PRAG1: variants seen among roughly 807,000 people sequenced by gnomAD.
The protein encoded by PRAG1 is inactive tyrosine-protein kinase PRAG1.
PRAG1 carries 110 observed loss-of-function variants against 95.6 expected under a neutral mutation model. That is an observed-to-expected ratio of 1.15 (90% CI 0.99 to 1.35). The LOEUF is 1.35. Ranked by LOEUF, PRAG1 falls within the 40% of genes most tolerant of loss-of-function variation. The pLI, the probability that PRAG1 is intolerant of heterozygous loss-of-function variation, is 0.00. For missense variants in PRAG1, 2,554 were observed against 1,864.7 expected (o/e 1.37, Z -6.81); for synonymous variants, 1,052 against 819.4 (o/e 1.28, Z -4.85).
Position 8,377,228 on chromosome 8 carries a change from G to A in PRAG1, c.1181C>T (p.Thr394Met), listed in dbSNP as rs748192326. ...GVTPSRCLGL[T>M]GEPQPPAHPR... ...GTGGGCCGGGGGCTGGGGCTCCCCC[G>A]TCAGCCCAAGGCATCTGCTAGGGGT... The change falls in exon 3 of 6, where the codon ACG becomes ATG. Residue 394 changes from threonine to methionine, a missense_variant. Coordinates refer to ENST00000615670, the MANE Select transcript of PRAG1 (RefSeq NM_001080826.3). 39 of 1,612,304 alleles carry A rather than the reference G, an allele frequency of 2.4e-5. No individual in the cohort carries two copies. Among genetic ancestry groups the A allele is most frequent in the Admixed American group, 1.3e-4 (8 of 59,962 alleles).
chr8:8,369,954 T>C (rs1383888600), intron 3 of PRAG1, among the ~76,000 whole-genome samples: 1 of 152,188 alleles, frequency 6.6e-6, no homozygotes, highest in Non-Finnish European at 1.5e-5. Flanking sequence ...AGCAACTCAA[T>C]TCTCAGGATC....
intron 4 of PRAG1, among the ~76,000 whole-genome samples, chr8:8,335,624 G>C: frequency 6.6e-6 from 1 of 152,148 alleles, no homozygotes; most frequent in Non-Finnish European, 1.5e-5. Flanking sequence ...TTTAAATGAA[G>C]TTGAAGCTTC....
At chr8:8,374,089 C>A (rs73523462) in intron 3 of PRAG1, among the ~76,000 whole-genome samples, 3,250 of 152,330 alleles carry the variant, frequency 0.021, 119 homozygotes, top group African/African-American at 0.073. Flanking sequence ...TGGGTGGCTT[C>A]TGCCTACATC....
At chr8:8,371,867 A>C (rs1800220620) in intron 3 of PRAG1, among the ~76,000 whole-genome samples, 1 of 152,144 alleles carries the variant, frequency 6.6e-6, no homozygotes, top group South Asian at 2.1e-4. Flanking sequence ...TCTGTCTCAA[A>C]ACGAAACACA....
At chr8:8,342,703 C>T (rs1799212652) in intron 3 of PRAG1, among the ~76,000 whole-genome samples, 1 of 151,988 alleles carries the variant, frequency 6.6e-6, no homozygotes, top group Non-Finnish European at 1.5e-5. Context: ...CTTACACCAG[C>T]TATTTATGAT....
chr8:8,386,032 G>A lies in PRAG1; in HGVS notation c.-88+289C>T, dbSNP rs551406588. Among the ~76,000 whole-genome samples, 7 of 152,336 alleles carry A rather than the reference G, an allele frequency of 4.6e-5. No individual in the cohort carries two copies. In the East Asian group the frequency reaches 1.2e-3, roughly 25 times the overall value. ...ACCAGAGAAACCATCCTAACAGTCG[G>A]TCCTCCCTCCTGGAACTCGTAGGAA... On this transcript the variant is annotated intron_variant, in intron 1 of 5. Transcript: ENST00000615670.
intron 3 of PRAG1, among the ~76,000 whole-genome samples, chr8:8,375,779 C>A (rs1219999864): frequency 6.6e-6 from 1 of 152,176 alleles, no homozygotes; most frequent in Non-Finnish European, 1.5e-5. Flanking sequence ...CCTGCTTCGG[C>A]CTCCCAAAGT....
Position 8,367,947 on chromosome 8 carries a change from A to G in PRAG1, c.2162+8300T>C, listed in dbSNP as rs543803699. On this transcript the variant is annotated intron_variant, in intron 3 of 5. Transcript: ENST00000615670. ...TGAGCCATCACGCCTGGCCGTATAT[A>G]GTGTTTTTTAATTTCATTAATTTTG... is the stretch of plus-strand genomic sequence containing the variant. Among the ~76,000 whole-genome samples the G allele has an allele frequency of 7.2e-5, 11 of 152,254 alleles. No individual in the cohort carries two copies. The East Asian group carries it at 2.1e-3, about 29-fold the overall frequency.
rs1158175099 is a variant in PRAG1, at chr8:8,318,643, C to T, written c.3732G>A (p.Val1244=). 1.2e-6 allele frequency: 2 copies of T among 1,612,448 alleles called. No homozygotes were observed. The highest frequency in any genetic ancestry group is 2.7e-5 in the African/African-American group (2 of 74,786). The change falls in exon 6 of 6, where the codon GTG becomes GTA. Residue 1244 remains valine, a synonymous_variant. Coordinates refer to ENST00000615670, the MANE Select transcript of PRAG1 (RefSeq NM_001080826.3). This position sits in a 1 kb window ranked among gnomAD's most constrained non-coding sequence, Gnocchi z 4.2. ...KSQARLAPEI[V]SASQYRKFDE... Reference sequence around the variant, plus strand: ...CGAACTTGCGGTACTGGGAAGCAGACACGATCTCGGGGGCCAGCCGGGCCT... The same window carrying T: ...CGAACTTGCGGTACTGGGAAGCAGATACGATCTCGGGGGCCAGCCGGGCCT...
intron 3 of PRAG1, among the ~76,000 whole-genome samples, chr8:8,375,592 T>C (rs908494290): frequency 1.3e-5 from 2 of 152,206 alleles, no homozygotes; most frequent in South Asian, 2.1e-4. Context: ...CTAATCACCA[T>C]TGTGGTAACA....
intron 3 of PRAG1, 58 bp downstream of exon 3, chr8:8,376,189 T>C: frequency 6.4e-7 from 1 of 1,563,572 alleles, no homozygotes. Flanking sequence ...GGCAAAGGTT[T>C]CTTCTGGAAG....
chr8:8,355,228 G>A (rs1488697203), intron 3 of PRAG1, among the ~76,000 whole-genome samples: 1 of 152,066 alleles, frequency 6.6e-6, no homozygotes, highest in African/African-American at 2.4e-5. Flanking sequence ...TATGTATACT[G>A]AAAACTATAA....
rs182029142 is a variant in PRAG1, at chr8:8,349,311, C to T, written c.2163-9676G>A. ...TTATTTATTTTTTGAGACAGAGTCT[C>T]GCTCTGTCACCCAGGCTGGAGTGCA... On this transcript the variant is annotated intron_variant, in intron 3 of 5. Transcript: ENST00000615670. Among the ~76,000 whole-genome samples, 969 of 149,232 alleles carry T rather than the reference C, an allele frequency of 6.5e-3. 5 individuals are homozygous for T. The highest frequency in any genetic ancestry group is 1.0e-2 in the Non-Finnish European group (679 of 67,958).
chr8:8,365,800 A>ATATATG (rs148346612), intron 3 of PRAG1, among the ~76,000 whole-genome samples: 1 of 150,626 alleles, frequency 6.6e-6, no homozygotes, highest in Non-Finnish European at 1.5e-5. Context: ...CTATATATAT[A>ATATATG]TATATACACA....
At chr8:8,337,530 C>A (rs777869369) in intron 4 of PRAG1, among the ~76,000 whole-genome samples, 1 of 152,060 alleles carries the variant, frequency 6.6e-6, no homozygotes, top group Non-Finnish European at 1.5e-5. Flanking sequence ...TGGTCTCTTG[C>A]CAGTTTCAAA....
At chr8:8,351,120 T>C (rs1585248304) in intron 3 of PRAG1, among the ~76,000 whole-genome samples, 2 of 152,338 alleles carry the variant, frequency 1.3e-5, no homozygotes, top group South Asian at 4.1e-4. Context: ...CCACAGGCTG[T>C]GCAGGAAGCA....
At chr8:8,363,799 CAT>C (rs1563248585) in intron 3 of PRAG1, among the ~76,000 whole-genome samples, 2 of 152,186 alleles carry the variant, frequency 1.3e-5, no homozygotes, top group African/African-American at 2.4e-5. Context: ...TAAAAACAGA[CAT>C]AGTGTTATTT....
intron 3 of PRAG1, among the ~76,000 whole-genome samples, chr8:8,353,212 T>C (rs987931998): frequency 6.6e-6 from 1 of 152,184 alleles, no homozygotes; most frequent in Admixed American, 6.5e-5. Context: ...TTAGACCAAA[T>C]GGACCTAAAA....
At chr8:8,323,523 A>G (rs1379864985) in intron 5 of PRAG1, among the ~76,000 whole-genome samples, 2 of 151,988 alleles carry the variant, frequency 1.3e-5, no homozygotes, top group African/African-American at 2.4e-5. Flanking sequence ...ATGAAGTTTC[A>G]CCATGTTGGC....
Sources: gnomAD v4.1 joint callset for allele counts (sites outside exome capture counted in the v4.1 genomes callset) on GRCh38, gnomAD v4.1.1 for gene constraint, Gnocchi (gnomAD v3.1) non-coding constraint, MANE v1.5 for transcripts, NCBI Gene and HGNC (gene_info 2026-07-23, HGNC 2026-07-21) for gene names.